The following RIOK3 variants were observed in gnomAD, a reference collection of about 807,000 sequenced individuals.
The protein encoded by RIOK3 is serine/threonine-protein kinase RIO3.
RIOK3 carries 40 observed loss-of-function variants against 63.5 expected under a neutral mutation model. That is an observed-to-expected ratio of 0.63 (90% CI 0.49 to 0.82). The LOEUF is 0.82. Ranked by LOEUF, RIOK3 falls within the 40% of genes least tolerant of loss-of-function variation. The probability of loss-of-function intolerance (pLI) is 0.00; values close to 1 mark genes in which losing one functional copy is unlikely to be tolerated. For synonymous variants in RIOK3, 193 were observed against 205.0 expected (o/e 0.94, Z 0.50); for missense variants, 557 against 637.0 (o/e 0.87, Z 1.35).
intron 6 of RIOK3, among the ~76,000 whole-genome samples, chr18:23,466,689 TAAAAAA>T (rs33997769): frequency 2.9e-5 from 3 of 102,898 alleles, no homozygotes; most frequent in African/African-American, 1.1e-4. Flanking sequence ...GACCCTGCCT[TAAAAAA>T]AAAAAAAAAA....
chr18:23,454,781 A>G (rs2145663343), intron 1 of RIOK3, among the ~76,000 whole-genome samples: 1 of 152,360 alleles, frequency 6.6e-6, no homozygotes, highest in African/African-American at 2.4e-5. Flanking sequence ...TGCAACAAAA[A>G]TGCTTCTGGG....
chr18:23,459,978 G>C (rs780438970), intron 1 of RIOK3, among the ~76,000 whole-genome samples: 1 of 152,234 alleles, frequency 6.6e-6, no homozygotes, highest in Non-Finnish European at 1.5e-5. Context: ...ACAGGCGTGA[G>C]CCACTGCACA....
chr18:23,474,639 T>A lies in RIOK3; in HGVS notation c.1014-309T>A, dbSNP rs182693154. On this transcript the variant is annotated intron_variant, in intron 8 of 12. Coordinates refer to ENST00000339486, the MANE Select transcript of RIOK3 (RefSeq NM_003831.5). ...AACACCTCCCTGCATTCCCTTGCACTGTCTTTATCTGGCTAATTCCTGTTC... is the reference window on the plus strand; with the variant it reads ...AACACCTCCCTGCATTCCCTTGCACAGTCTTTATCTGGCTAATTCCTGTTC... Among the ~76,000 whole-genome samples the A allele has an allele frequency of 2.0e-5, 3 of 152,320 alleles. No homozygotes were observed. The East Asian group carries it at 5.8e-4, about 29-fold the overall frequency.
At chr18:23,480,857 C>T (rs1224516967) in intron 12 of RIOK3, among the ~76,000 whole-genome samples, 6 of 152,096 alleles carry the variant, frequency 3.9e-5, no homozygotes, top group Admixed American at 1.3e-4. Context: ...GAGGCCAAGG[C>T]GGGTGGAACA....
intron 1 of RIOK3, among the ~76,000 whole-genome samples, chr18:23,454,665 T>C (rs1326702100): frequency 6.6e-6 from 1 of 152,216 alleles, no homozygotes; most frequent in East Asian, 1.9e-4. Context: ...TACATCCTAA[T>C]CTCAGAACAA....
At chr18:23,471,725 G>C (rs1019957555) in intron 7 of RIOK3, among the ~76,000 whole-genome samples, 2 of 152,172 alleles carry the variant, frequency 1.3e-5, no homozygotes, top group Non-Finnish European at 2.9e-5. Flanking sequence ...TGGATTGGAA[G>C]TGGGTGTAGG....
At chr18:23,480,555 G>GCACGCA (rs1555621688) in intron 12 of RIOK3, among the ~76,000 whole-genome samples, 12 of 142,096 alleles carry the variant, frequency 8.4e-5, no homozygotes, top group East Asian at 4.2e-4. Context: ...TTGGATGCAC[G>GCACGCA]CACACACACA....
chr18:23,466,689 TA>T (rs33997769), intron 6 of RIOK3, among the ~76,000 whole-genome samples: 3,777 of 102,904 alleles, frequency 0.037, 55 homozygotes, highest in Middle Eastern at 0.058. Flanking sequence ...GACCCTGCCT[TA>T]AAAAAAAAAA....
At chr18:23,477,837 A>G (rs897848812) in intron 11 of RIOK3, among the ~76,000 whole-genome samples, 13 of 151,884 alleles carry the variant, frequency 8.6e-5, no homozygotes, top group Admixed American at 3.3e-4. Context: ...TGGGAGGCCA[A>G]GGTGGGTGGA....
At chr18:23,457,929 C>T (rs2057350931) in intron 1 of RIOK3, among the ~76,000 whole-genome samples, 1 of 151,544 alleles carries the variant, frequency 6.6e-6, no homozygotes, top group African/African-American at 2.4e-5. Flanking sequence ...GAGTCTCACT[C>T]TATCGCCCAG....
chr18:23,464,211 A>G lies in RIOK3; in HGVS notation c.331A>G (p.Ile111Val), dbSNP rs1315404995. The change falls in exon 4 of 13, where the codon ATT becomes GTT. Residue 111 changes from isoleucine (I) to valine (V), a missense_variant. By Grantham distance (29) the Ile-to-Val change is conservative. Around this residue, in one of 3 missense-constraint regions of RIOK3, gnomAD observed 243 missense variants for 275.4 expected, o/e 0.88. Coordinates refer to ENST00000339486, the MANE Select transcript of RIOK3 (RefSeq NM_003831.5). ...KKFNGDSKVS[I>V]SFENYRKVHP... ...AACTATTTTTGCTTCTTAAGTTTCC[A>G]TTTCCTTTGAAAATTATCGAAAAGT... is the stretch of plus-strand genomic sequence containing the variant. 1.9e-6 allele frequency: 3 copies of G among 1,612,998 alleles called. No individual in the cohort carries two copies. The African/African-American group carries it at 4.0e-5, about 22-fold the overall frequency.
chr18:23,481,375 G>T lies in RIOK3; in HGVS notation c.*96G>T. The T allele has an allele frequency of 1.4e-6, 1 of 732,232 alleles. No homozygotes were observed. The highest frequency in any genetic ancestry group is 2.2e-6 in the Non-Finnish European group (1 of 448,292). The allele number at this position is 732,232 out of a possible 1,614,324, so 45.4% of individuals were successfully genotyped here. Reference sequence around the variant, plus strand: ...GTGACTTGAAATACCAAAACCTGAGGAGTGGGCAATGGTGCTTCTGTGCTT... The same window carrying T: ...GTGACTTGAAATACCAAAACCTGAGTAGTGGGCAATGGTGCTTCTGTGCTT... On this transcript the variant is annotated 3_prime_UTR_variant, in exon 13 of 13. Coordinates refer to ENST00000339486, the MANE Select transcript of RIOK3 (RefSeq NM_003831.5).
At chr18:23,469,333 CTCT>C (rs1568384316) in intron 7 of RIOK3, among the ~76,000 whole-genome samples, 16 of 11,802 alleles carry the variant, frequency 1.4e-3, no homozygotes, top group African/African-American at 7.2e-3. Context: ...CTCTCTCTCT[CTCT>C]CCCCCTCTCT....
chr18:23,461,922 T>G (rs974915202), intron 1 of RIOK3, among the ~76,000 whole-genome samples: 1 of 150,890 alleles, frequency 6.6e-6, no homozygotes. Context: ...AAACCCTATC[T>G]CTACTAAAAA....
intron 11 of RIOK3, 47 bp downstream of exon 11, chr18:23,477,315 G>T (rs1405891574): frequency 1.4e-6 from 2 of 1,430,592 alleles, no homozygotes; most frequent in Non-Finnish European, 2.0e-6. Flanking sequence ...TGTAACAGCT[G>T]CAGGTATTTT....
chr18:23,477,941 G>A (rs955910623), intron 11 of RIOK3, among the ~76,000 whole-genome samples: 2 of 149,536 alleles, frequency 1.3e-5, no homozygotes, highest in African/African-American at 2.5e-5. Context: ...GTGCGGTAGC[G>A]TGTGCCTGTA....
At chr18:23,454,542 G>A (rs2057325638) in intron 1 of RIOK3, among the ~76,000 whole-genome samples, 1 of 152,222 alleles carries the variant, frequency 6.6e-6, no homozygotes, top group Non-Finnish European at 1.5e-5. Context: ...ATAAAAGGAT[G>A]AAATCAGTAG....
Position 23,482,092 on chromosome 18 carries a change from G to C in RIOK3, c.*813G>C, listed in dbSNP as rs45600542. ...AATATAAGATTTAACCATGTTTGAC[G>C]TATTTTAATTTAGTTAATGAAGCAA... On this transcript the variant is annotated 3_prime_UTR_variant, in exon 13 of 13. Coordinates refer to ENST00000339486, the MANE Select transcript of RIOK3 (RefSeq NM_003831.5). 6.6e-6 allele frequency: 1 copy of C among 152,064 alleles called. No homozygotes were observed. Among genetic ancestry groups the C allele is most frequent in the Non-Finnish European group, 1.5e-5 (1 of 68,004 alleles). 9.4% of individuals were successfully genotyped at this position (152,064 alleles called of 1,614,324 possible).
At chr18:23,458,110 G>A (rs1023462543) in intron 1 of RIOK3, among the ~76,000 whole-genome samples, 1 of 144,500 alleles carries the variant, frequency 6.9e-6, no homozygotes, top group African/African-American at 2.6e-5. Context: ...TCACTGTGTT[G>A]CCCAGGCTGG....
Sources: gnomAD v4.1 joint callset for allele counts (sites outside exome capture counted in the v4.1 genomes callset) on GRCh38, gnomAD v4.1.1 for gene constraint, gnomAD v4.1.1 regional missense constraint, MANE v1.5 for transcripts, NCBI Gene and HGNC (gene_info 2026-07-23, HGNC 2026-07-21) for gene names.